The following SCUBE1 variants were observed in gnomAD, a reference collection of about 807,000 sequenced individuals.
SCUBE1 encodes the protein signal peptide, CUB domain and EGF like domain containing 1.
Under a neutral mutation model 124.4 loss-of-function variants are expected in SCUBE1, and 59 were observed. The ratio of observed to expected loss-of-function variants is 0.47; its 90% CI spans 0.38 to 0.59. SCUBE1 has a LOEUF of 0.59. SCUBE1 is among the 20% of genes least tolerant of loss of function. The pLI is 0.00. For missense variants in SCUBE1, 1,150 were observed against 1,371.2 expected (o/e 0.84, Z 2.55); for synonymous variants, 545 against 550.9 (o/e 0.99, Z 0.15).
chr22:43,259,564 C>T (rs1040673712), intron 5 of SCUBE1, among the ~76,000 whole-genome samples: 2 of 152,190 alleles, frequency 1.3e-5, no homozygotes, highest in Admixed American at 6.5e-5. Context: ...GACTTCTCCG[C>T]ACTCTTCCTT....
At chr22:43,337,367 G>T (rs1277617719) in intron 2 of SCUBE1, among the ~76,000 whole-genome samples, 1 of 152,234 alleles carries the variant, frequency 6.6e-6, no homozygotes, top group African/African-American at 2.4e-5. Context: ...CAGGTCAGTG[G>T]CTTAAACCAG....
chr22:43,239,553 T>C (rs1922915975), intron 6 of SCUBE1, among the ~76,000 whole-genome samples: 1 of 152,264 alleles, frequency 6.6e-6, no homozygotes, highest in African/African-American at 2.4e-5. Flanking sequence ...GCTTGTCTAG[T>C]GCTTTTTCTT....
chr22:43,262,979 A>C, intron 4 of SCUBE1, 134 bp from the exon 5 acceptor site: 1 of 912,460 alleles, frequency 1.1e-6, no homozygotes, highest in Non-Finnish European at 1.7e-6. Context: ...ATGCACACAC[A>C]CGCACTTGCG....
At chr22:43,285,458 C>T (rs1243770933) in intron 4 of SCUBE1, among the ~76,000 whole-genome samples, 1 of 152,204 alleles carries the variant, frequency 6.6e-6, no homozygotes, top group Admixed American at 6.5e-5. Flanking sequence ...CCACAGGGAG[C>T]TCCCAAGCTG....
chr22:43,333,712 C>T (rs550266730), intron 2 of SCUBE1, among the ~76,000 whole-genome samples: 1 of 152,324 alleles, frequency 6.6e-6, no homozygotes, highest in Admixed American at 6.5e-5. Flanking sequence ...TATCACCCAG[C>T]GGTCAAGAGG....
At chr22:43,216,863 ACCCACC>A (rs1921836827) in intron 15 of SCUBE1, among the ~76,000 whole-genome samples, 4 of 30,384 alleles carry the variant, frequency 1.3e-4, no homozygotes, top group African/African-American at 4.5e-4. Context: ...ACTTCCCCCC[ACCCACC>A]CCCCGCCAGG....
Position 43,211,194 on chromosome 22 carries a change from G to T in SCUBE1, c.2222-111C>A. The T allele has an allele frequency of 8.6e-7, 1 of 1,156,216 alleles. No homozygotes were observed. Among genetic ancestry groups the T allele is most frequent in the Non-Finnish European group, 1.2e-6 (1 of 812,242 alleles). The allele number at this position is 1,156,216 out of a possible 1,614,324, so 71.6% of individuals were successfully genotyped here. A position where few individuals can be genotyped will look rare whatever the true frequency, so the allele number is the denominator to read the frequency against. On this transcript the variant is annotated intron_variant, in intron 17 of 21. Transcript: ENST00000360835. This position sits in a 1 kb window ranked among gnomAD's most constrained non-coding sequence, Gnocchi z 4.5. ...TGCCCTCGAGGTCTGTTTTGGCACA[G>T]AGTTCAAGGCTCCTCCCCACCGCCC...
At chr22:43,291,289 G>A in intron 3 of SCUBE1, 109 bp from the exon 4 acceptor site, 1 of 1,251,996 alleles carries the variant, frequency 8.0e-7, no homozygotes, top group South Asian at 1.4e-5. Context: ...TGGCCCTGAA[G>A]GGAGGGACTC....
intron 12 of SCUBE1, among the ~76,000 whole-genome samples, chr22:43,221,631 T>C (rs777161869): frequency 6.6e-6 from 1 of 152,126 alleles, no homozygotes. Context: ...AGAAGAGAGA[T>C]AGGACAGCAA....
At position 43,273,561 on chromosome 22, in the gene SCUBE1, C is replaced by CTTTTTT. The variant is rs1056252584; in HGVS notation, c.485-10722_485-10717dup. ...TATAAAGTGGGGAGACTAAAACCCT[C>CTTTTTT]TTTTTTTTTTTTTTTTTTTTTTTTG... On this transcript the variant is annotated intron_variant, in intron 4 of 21. Transcript: ENST00000360835. 2.0e-3 allele frequency among the ~76,000 whole-genome samples: 123 copies of CTTTTTT among 60,956 alleles called. 15 individuals are homozygous for CTTTTTT. Among genetic ancestry groups the CTTTTTT allele is most frequent in the African/African-American group, 7.3e-3 (111 of 15,236 alleles). 40.0% of individuals were successfully genotyped at this position (60,956 alleles called of 152,430 possible).
At position 43,212,581 on chromosome 22, in the gene SCUBE1, G is replaced by A. The variant is rs371625485; in HGVS notation, c.2065C>T (p.Pro689Ser). The change falls in exon 17 of 22, where the codon CCA (proline) becomes TCA (serine). Residue 689 changes from proline to serine, a missense_variant. Coordinates refer to ENST00000360835, the MANE Select transcript of SCUBE1 (RefSeq NM_173050.5). ...AAGCCATCGGCCGAGAAGAAGCCTG[G>A]AGAACACTGGCCTGAAAGTCAGAGG... ...NVSECGGQCS[P>S]GFFSADGFKP... is the part of the protein sequence containing the mutation. 74 of 1,565,562 alleles carry A rather than the reference G, an allele frequency of 4.7e-5. 1 individual carries two copies. The African/African-American group carries it at 8.4e-4, about 18-fold the overall frequency.
intron 7 of SCUBE1, chr22:43,237,758 C>T (rs1922826780): frequency 6.6e-6 from 1 of 152,238 alleles, no homozygotes; most frequent in Admixed American, 6.5e-5. Context: ...CCCTAACCTC[C>T]ACTTTCAATA....
At position 43,199,334 on chromosome 22, in the gene SCUBE1, A is replaced by G; in HGVS notation, c.*4663T>C. 6.4e-6 allele frequency: 1 copy of G among 155,476 alleles called. No homozygotes were observed. The highest frequency in any genetic ancestry group is 1.4e-5 in the Non-Finnish European group (1 of 70,476). 9.6% of individuals were successfully genotyped at this position (155,476 alleles called of 1,614,324 possible). ...CCTGCCGTGGACAAGCCCAGGGGACAGGCTTCACTGAGACGCTGCCTGCGG... is the reference window on the plus strand; with the variant it reads ...CCTGCCGTGGACAAGCCCAGGGGACGGGCTTCACTGAGACGCTGCCTGCGG... On this transcript the variant is annotated 3_prime_UTR_variant, in exon 22 of 22. Transcript: ENST00000360835.
At chr22:43,218,567 T>A in intron 14 of SCUBE1, 109 bp from the exon 15 acceptor site, 1 of 1,099,754 alleles carries the variant, frequency 9.1e-7, no homozygotes, top group Non-Finnish European at 1.3e-6. Flanking sequence ...TCGGACCTCC[T>A]CAGCACATTC....
chr22:43,207,585 G>C lies in SCUBE1; in HGVS notation c.2763C>G (p.Ile921Met). 6.2e-7 allele frequency: 1 copy of C among 1,614,070 alleles called. No individual in the cohort carries two copies. Residue 921 changes from isoleucine (I) to methionine (M), a missense_variant, in exon 21 of 22, where the codon ATC (isoleucine) becomes ATG (methionine). Ile to Met is a conservative substitution (Grantham distance 10). Transcript: ENST00000360835. ...DEDYQQLIED[I>M]VRDGRLYASE... is the part of the protein sequence containing the mutation. ...AGGCGTACAGGCGCCCATCGCGCAC[G>C]ATGTCCTCTATGAGTTGCTGGTAGT... is the stretch of plus-strand genomic sequence containing the variant.
chr22:43,240,517 C>G (rs906180924), intron 6 of SCUBE1, among the ~76,000 whole-genome samples: 1 of 152,232 alleles, frequency 6.6e-6, no homozygotes, highest in African/African-American at 2.4e-5. Flanking sequence ...CGGCTTATGC[C>G]CTCTGGGCCA....
At chr22:43,273,561 CTTTTTTTTTTTTTT>C (rs1056252584) in intron 4 of SCUBE1, among the ~76,000 whole-genome samples, 3 of 60,952 alleles carry the variant, frequency 4.9e-5, no homozygotes, top group African/African-American at 2.0e-4. Flanking sequence ...CTAAAACCCT[CTTTTTTTTTTTTTT>C]TTTTTTTTTT....
Position 43,210,056 on chromosome 22 carries a change from G to T in SCUBE1, c.2568C>A (p.Val856=). The change falls in exon 19 of 22, where the codon GTC becomes GTA. Residue 856 remains valine, a synonymous_variant. Coordinates refer to ENST00000360835, the MANE Select transcript of SCUBE1 (RefSeq NM_173050.5). The surrounding 1 kb of genome is among the most constrained non-coding windows in gnomAD (Gnocchi z 4.5). ...CCCCCAACATACCACTCTTCCTCAT[G>T]ACCAGAACATCGCCGCACTCATCCT... ...PIEDECGDVL[V]MRKSASPTSI... 1.2e-6 allele frequency: 2 copies of T among 1,608,004 alleles called. No homozygotes were observed. Among genetic ancestry groups the T allele is most frequent in the South Asian group, 2.2e-5 (2 of 90,508 alleles).
intron 4 of SCUBE1, among the ~76,000 whole-genome samples, chr22:43,280,615 C>T (rs909652644): frequency 3.3e-5 from 5 of 150,114 alleles, no homozygotes; most frequent in African/African-American, 9.8e-5. Context: ...TCCCCTGCTA[C>T]GCTGTCACCT....
Sources: gnomAD v4.1 joint callset for allele counts (sites outside exome capture counted in the v4.1 genomes callset) on GRCh38, gnomAD v4.1.1 for gene constraint, Gnocchi (gnomAD v3.1) non-coding constraint, MANE v1.5 for transcripts, NCBI Gene and HGNC (gene_info 2026-07-23, HGNC 2026-07-21) for gene names.